The following NHS variants were observed in gnomAD, a reference collection of about 807,000 sequenced individuals.
NHS encodes the protein NHS actin remodeling regulator.
In NHS, 5 loss-of-function variants were observed where a neutral mutation model predicts 72.5. The observed-to-expected ratio is 0.07, with a 90% CI of 0.04 to 0.14. The LOEUF is 0.14. Ranked by LOEUF, NHS falls within the 10% of genes least tolerant of loss-of-function variation. The pLI is 1.00. For missense variants in NHS, 1,072 were observed against 1,355.7 expected (o/e 0.79, Z 3.29); for synonymous variants, 464 against 547.7 (o/e 0.85, Z 2.13).
intron 1 of NHS, among the ~76,000 whole-genome samples, chrX:17,492,917 T>A (rs1483276727): frequency 8.9e-6 from 1 of 112,123 alleles, no homozygotes; most frequent in Non-Finnish European, 1.9e-5. Flanking sequence ...TCTCCAAGTT[T>A]CTGGACCTCC....
At chrX:17,561,561 C>CGT (rs1335617419) in intron 1 of NHS, among the ~76,000 whole-genome samples, 2 of 67,134 alleles carry the variant, frequency 3.0e-5, no homozygotes, top group Non-Finnish European at 5.0e-5. Flanking sequence ...AGTGCATGCG[C>CGT]GCGCGCGCGC....
intron 1 of NHS, among the ~76,000 whole-genome samples, chrX:17,411,869 G>A (rs2064560885): frequency 9.0e-6 from 1 of 111,284 alleles, no homozygotes. Context: ...TTTGAAATAA[G>A]ATAATCTGTT....
chrX:17,378,361 A>G (rs2064357491), intron 1 of NHS, among the ~76,000 whole-genome samples: 1 of 111,964 alleles, frequency 8.9e-6, no homozygotes, highest in Non-Finnish European at 1.9e-5. Flanking sequence ...TACCTGGGAT[A>G]GATTTAAAAT....
intron 1 of NHS, among the ~76,000 whole-genome samples, chrX:17,570,944 T>C (rs1044434467): frequency 3.6e-5 from 4 of 112,381 alleles, no homozygotes; most frequent in African/African-American, 1.3e-4. Context: ...GTTTTTGTCA[T>C]TGGTTCTGTT....
chrX:17,468,947 A>C (rs778795259), intron 1 of NHS, among the ~76,000 whole-genome samples: 1 of 111,885 alleles, frequency 8.9e-6, no homozygotes, highest in Non-Finnish European at 1.9e-5. Context: ...AACGAATATT[A>C]TAAGCACCCC....
intron 1 of NHS, among the ~76,000 whole-genome samples, chrX:17,455,805 TA>T (rs2064823293): frequency 8.9e-6 from 1 of 112,161 alleles, no homozygotes; most frequent in African/African-American, 3.2e-5. Flanking sequence ...CCTGTTCTTG[TA>T]AATCTCAACT....
intron 1 of NHS, among the ~76,000 whole-genome samples, chrX:17,590,250 G>A (rs1290200483): frequency 1.8e-5 from 2 of 111,415 alleles, no homozygotes; most frequent in African/African-American, 6.5e-5. Flanking sequence ...CCTTTGATCT[G>A]GTAATTCAAA....
chrX:17,378,085 T>TGTGA (rs1491390890), intron 1 of NHS, among the ~76,000 whole-genome samples: 1 of 104,423 alleles, frequency 9.6e-6, no homozygotes, highest in African/African-American at 3.4e-5. Context: ...TGTGTGTGTG[T>TGTGA]GAGACACACC....
chrX:17,613,681 C>G (rs2065722310), intron 1 of NHS, among the ~76,000 whole-genome samples: 1 of 111,695 alleles, frequency 9.0e-6, no homozygotes, highest in South Asian at 3.8e-4. Flanking sequence ...GTTCTTGTAA[C>G]TTCTCATAAT....
chrX:17,441,237 G>A (rs1289828673), intron 1 of NHS, among the ~76,000 whole-genome samples: 3 of 112,355 alleles, frequency 2.7e-5, no homozygotes, highest in Non-Finnish European at 5.6e-5. Flanking sequence ...CCTACCATCC[G>A]TAATCTCAAT....
intron 1 of NHS, among the ~76,000 whole-genome samples, chrX:17,585,744 A>G (rs1439951369): frequency 9.3e-6 from 1 of 107,871 alleles, no homozygotes; most frequent in African/African-American, 3.4e-5. Context: ...AATAGTAATA[A>G]TAATAATAAT....
At chrX:17,513,122 T>C (rs2065098468) in intron 1 of NHS, among the ~76,000 whole-genome samples, 1 of 112,030 alleles carries the variant, frequency 8.9e-6, no homozygotes, top group Non-Finnish European at 1.9e-5. Flanking sequence ...TGTCAGATTA[T>C]TACGAGCTGA....
At chrX:17,591,795 G>T (rs1481350507) in intron 1 of NHS, among the ~76,000 whole-genome samples, 1 of 111,868 alleles carries the variant, frequency 8.9e-6, no homozygotes, top group Non-Finnish European at 1.9e-5. Context: ...TGAAAGAAAT[G>T]ACTCATTACT....
intron 1 of NHS, among the ~76,000 whole-genome samples, chrX:17,564,808 T>C (rs1437994007): frequency 9.0e-6 from 1 of 111,414 alleles, no homozygotes; most frequent in African/African-American, 3.3e-5. Context: ...TCCCCCAAAT[T>C]GTGAATGTGG....
chrX:17,715,465 G>A (rs1166856640), intron 3 of NHS, among the ~76,000 whole-genome samples: 4 of 112,588 alleles, frequency 3.6e-5, no homozygotes, highest in African/African-American at 1.3e-4. Flanking sequence ...TTTTGCAATT[G>A]CAAATTGTGC....
chrX:17,652,585 G>C (rs1832161290), intron 1 of NHS, among the ~76,000 whole-genome samples: 1 of 111,720 alleles, frequency 9.0e-6, no homozygotes, highest in Admixed American at 9.5e-5. Context: ...GCTGGGGATG[G>C]TGGTGTGGGG....
chrX:17,404,478 ATTCTCTACAC>A (rs1209052221), intron 1 of NHS, among the ~76,000 whole-genome samples: 1 of 111,502 alleles, frequency 9.0e-6, no homozygotes, highest in Non-Finnish European at 1.9e-5. Flanking sequence ...CCCCTAATCC[ATTCTCTACAC>A]TCCTGCAGAG....
chrX:17,673,595 T>C (rs1450922728), intron 1 of NHS, among the ~76,000 whole-genome samples: 1 of 111,638 alleles, frequency 9.0e-6, no homozygotes, highest in African/African-American at 3.3e-5. Flanking sequence ...ACCTGCTGTG[T>C]GGTTCATGGA....
intron 8 of NHS, among the ~76,000 whole-genome samples, chrX:17,730,241 G>A (rs1056102386): frequency 2.7e-5 from 3 of 112,545 alleles, no homozygotes; most frequent in East Asian, 2.8e-4. Flanking sequence ...TGGACAGGAC[G>A]TAAATAGTGG....
Sources: gnomAD v4.1 joint callset for allele counts (sites outside exome capture counted in the v4.1 genomes callset) on GRCh38, gnomAD v4.1.1 for gene constraint, MANE v1.5 for transcripts, NCBI Gene and HGNC (gene_info 2026-07-23, HGNC 2026-07-21) for gene names.